TMEM225B: variants seen among roughly 807,000 people sequenced by gnomAD.
TMEM225B encodes the protein transmembrane protein 225-like.
In TMEM225B, 10 loss-of-function variants were observed where a neutral mutation model predicts 16.9. The observed-to-expected ratio is 0.59, with a 90% CI of 0.36 to 1.00. The LOEUF (loss-of-function observed/expected upper bound fraction) is 1.00. Ranked by LOEUF, TMEM225B falls within the 50% of genes least tolerant of loss-of-function variation. TMEM225B has a pLI of 0.01. For synonymous variants in TMEM225B, 92 were observed against 109.8 expected (o/e 0.84, Z 1.01); for missense variants, 217 against 267.0 (o/e 0.81, Z 1.30).
intron 2 of TMEM225B, among the ~76,000 whole-genome samples, chr7:99,604,110 C>T (rs1490193350): frequency 1.3e-5 from 2 of 152,162 alleles, no homozygotes. Context: ...GTTCAACCTC[C>T]TCAGTTTACC....
At chr7:99,606,689 A>AC in intron 3 of TMEM225B, 59 bp from the exon 4 acceptor site, 1 of 1,507,722 alleles carries the variant, frequency 6.6e-7, no homozygotes, top group Non-Finnish European at 8.9e-7. Context: ...GCTCTGAGGG[A>AC]CTCTGACCTT....
chr7:99,598,794 G>A (rs1339959351), intron 1 of TMEM225B, among the ~76,000 whole-genome samples: 1 of 152,160 alleles, frequency 6.6e-6, no homozygotes, highest in East Asian at 1.9e-4. Context: ...AGCAGCTGCC[G>A]ACTTTCCTGT....
chr7:99,606,957 G>C (rs1805868921), intron 4 of TMEM225B, 63 bp downstream of exon 4: 1 of 1,510,124 alleles, frequency 6.6e-7, no homozygotes, highest in South Asian at 1.2e-5. Flanking sequence ...CAGAGAAAGA[G>C]GGGTGCTCAG....
chr7:99,598,767 ACTTC>A (rs1805069862), intron 1 of TMEM225B, among the ~76,000 whole-genome samples: 1 of 152,148 alleles, frequency 6.6e-6, no homozygotes, highest in Non-Finnish European at 1.5e-5. Context: ...CAGGTCGCCC[ACTTC>A]CTTCATCCCC....
chr7:99,600,367 G>A, intron 2 of TMEM225B, 82 bp downstream of exon 2: 1 of 693,052 alleles, frequency 1.4e-6, no homozygotes, highest in East Asian at 2.7e-5. Flanking sequence ...ACTTTTCAGG[G>A]GAGTGGGGTT....
intron 2 of TMEM225B, among the ~76,000 whole-genome samples, chr7:99,602,449 T>A (rs529132055): frequency 3.3e-4 from 51 of 152,380 alleles, no homozygotes; most frequent in African/African-American, 1.2e-3. Context: ...AGCACTGTGT[T>A]GGACACTTTG....
chr7:99,607,340 T>C (rs1805905544), intron 4 of TMEM225B, among the ~76,000 whole-genome samples: 1 of 152,212 alleles, frequency 6.6e-6, no homozygotes, highest in East Asian at 1.9e-4. Flanking sequence ...CCTGAGAGGC[T>C]CCTAGGCAAA....
At chr7:99,607,162 AT>A (rs367577804) in intron 4 of TMEM225B, among the ~76,000 whole-genome samples, 102 of 144,464 alleles carry the variant, frequency 7.1e-4, no homozygotes, top group East Asian at 1.6e-3. Flanking sequence ...TAATTTAAAC[AT>A]TTTTTTTTTT....
At chr7:99,606,107 A>G (rs896086065) in intron 3 of TMEM225B, among the ~76,000 whole-genome samples, 5 of 152,238 alleles carry the variant, frequency 3.3e-5, no homozygotes, top group African/African-American at 1.2e-4. Context: ...TGGATGATAC[A>G]TGGTTTGGTA....
chr7:99,610,562 C>A lies in TMEM225B; in HGVS notation c.663C>A (p.Ile221=). 2 of 1,536,032 alleles carry A rather than the reference C, an allele frequency of 1.3e-6. No individual in the cohort carries two copies. The highest frequency in any genetic ancestry group is 1.7e-6 in the Non-Finnish European group (2 of 1,146,852). The change falls in exon 6 of 6, where the codon ATC becomes ATA. Residue 221 remains isoleucine, a synonymous_variant. Transcript: ENST00000431679. ...CACAGGTGACAGCAGAAACAGTCAT[C>A]TAGCCCAGGACATGGCTTCTTTACC... The part of the protein sequence containing the change: ...KETQVTAETV[I]
chr7:99,608,642 C>T (rs1399406813), intron 5 of TMEM225B, among the ~76,000 whole-genome samples: 7 of 146,476 alleles, frequency 4.8e-5, no homozygotes, highest in African/African-American at 1.5e-4. Context: ...GGGGCTCAAG[C>T]GATCCTCCTG....
chr7:99,610,527 C>T lies in TMEM225B; in HGVS notation c.628C>T (p.Gln210Ter), dbSNP rs1017495089. The part of the protein sequence containing the change: ...ESLGGEPSSV[Q>*]KETQVTAETV... ...TTTGGGAGGAGAACCGAGCTCAGTA[C>T]AAAAGGAGACACAGGTGACAGCAGA... The change falls in exon 6 of 6, where the codon CAA becomes TAA. Residue 210 changes from glutamine (Q) to a stop codon, truncating the protein, a stop_gained. Transcript: ENST00000431679. LOFTEE classifies it high-confidence loss of function. The T allele has an allele frequency of 5.2e-6, 8 of 1,535,960 alleles. No homozygotes were observed. In the African/African-American group the frequency reaches 1.1e-4, roughly 21 times the overall value.
At chr7:99,598,654 C>G (rs1001596655) in intron 1 of TMEM225B, among the ~76,000 whole-genome samples, 2 of 152,202 alleles carry the variant, frequency 1.3e-5, no homozygotes, top group Admixed American at 6.5e-5. Flanking sequence ...GAAGGAACCT[C>G]TGACCCTACC....
At chr7:99,607,392 C>T (rs1425361848) in intron 4 of TMEM225B, among the ~76,000 whole-genome samples, 1 of 152,114 alleles carries the variant, frequency 6.6e-6, no homozygotes, top group African/African-American at 2.4e-5. Flanking sequence ...TGCATTTAAT[C>T]CAAAGTGTTG....
At chr7:99,598,518 G>A (rs1805040598) in intron 1 of TMEM225B, 137 bp downstream of exon 1, 1 of 152,544 alleles carries the variant, frequency 6.6e-6, no homozygotes, top group Non-Finnish European at 1.5e-5. Context: ...CCCGGGGCAG[G>A]GGCTGGGGGC....
chr7:99,606,030 T>C (rs10225314), intron 3 of TMEM225B, among the ~76,000 whole-genome samples: 21,726 of 152,280 alleles, frequency 0.14, 3,262 homozygotes, highest in African/African-American at 0.36. Flanking sequence ...CACATTTGCA[T>C]GTGCAACAAA....
At chr7:99,608,546 C>A (rs905785236) in intron 5 of TMEM225B, among the ~76,000 whole-genome samples, 2 of 140,692 alleles carry the variant, frequency 1.4e-5, no homozygotes, top group African/African-American at 5.8e-5. Context: ...TCTGTCTCTA[C>A]CTTTTTTTTT....
In TMEM225B at chr7:99,606,852, T is replaced by A; in HGVS notation, c.313T>A (p.Trp105Arg). ...PFASEFFPRT[W>R]KQNFVLACIS... Reference sequence around the variant, plus strand: ...TGCATCCGAGTTCTTCCCGAGGACCTGGAAGCAAAACTTTGTGTTAGCCTG... The same window carrying A: ...TGCATCCGAGTTCTTCCCGAGGACCAGGAAGCAAAACTTTGTGTTAGCCTG... Residue 105 changes from tryptophan (W) to arginine (R), a missense_variant, in exon 4 of 6, where the codon TGG becomes AGG. Physicochemically the swap from Trp to Arg is moderately radical, Grantham distance 101. Coordinates refer to ENST00000431679, the MANE Select transcript of TMEM225B (RefSeq NM_001195541.3). 6.5e-7 allele frequency: 1 copy of A among 1,536,168 alleles called. No homozygotes were observed. Among genetic ancestry groups the A allele is most frequent in the Non-Finnish European group, 8.7e-7 (1 of 1,146,898 alleles).
In TMEM225B at chr7:99,610,976, G is replaced by C. The variant is rs1562958259; in HGVS notation, c.*411G>C. Among the ~76,000 whole-genome samples the C allele has an allele frequency of 6.6e-6, 1 of 152,086 alleles. No individual in the cohort carries two copies. Among genetic ancestry groups the C allele is most frequent in the Non-Finnish European group, 1.5e-5 (1 of 68,028 alleles). On this transcript the variant is annotated 3_prime_UTR_variant, in exon 6 of 6. Transcript: ENST00000431679. ...GACAACTATTTGGGCTGGTGGCACA[G>C]GGGTAAAAGAATTTACCAAGACGGT...
Sources: gnomAD v4.1 joint callset for allele counts (sites outside exome capture counted in the v4.1 genomes callset) on GRCh38, gnomAD v4.1.1 for gene constraint, MANE v1.5 for transcripts, NCBI Gene and HGNC (gene_info 2026-07-23, HGNC 2026-07-21) for gene names.